DENND5A: variants seen among roughly 807,000 people sequenced by gnomAD.
The protein encoded by DENND5A is DENN domain-containing protein 5A.
In DENND5A, 64 loss-of-function variants were observed where a neutral mutation model predicts 140.3. The observed-to-expected ratio is 0.46, with a 90% confidence interval of 0.37 to 0.56. DENND5A has a LOEUF of 0.56. Among genes scored for constraint, DENND5A ranks in the 20% least tolerant of loss-of-function variants. DENND5A has a pLI of 0.00. For missense variants in DENND5A, 1,292 were observed against 1,593.8 expected, an observed-to-expected ratio of 0.81 and a Z score of 3.22; for synonymous variants, 605 against 607.7, an observed-to-expected ratio of 1.00 and a Z score of 0.07.
At chr11:9,212,708 G>A (rs1849926555) in intron 1 of DENND5A, among the ~76,000 whole-genome samples, 1 of 151,970 alleles carries the variant, frequency 6.6e-6, no homozygotes, top group Admixed American at 6.6e-5. Flanking sequence ...TCAAAAATGA[G>A]GGCAAATTAA....
chr11:9,157,656 C>A (rs78490146), intron 12 of DENND5A, among the ~76,000 whole-genome samples: 9,053 of 152,216 alleles, frequency 0.059, 370 homozygotes, highest in South Asian at 0.11. Flanking sequence ...CTACAAAGGC[C>A]ATGATCTAGT....
intron 11 of DENND5A, among the ~76,000 whole-genome samples, chr11:9,161,176 T>A (rs1015517201): frequency 3.9e-5 from 6 of 152,076 alleles, no homozygotes; most frequent in Non-Finnish European, 8.8e-5. Flanking sequence ...TGAAACCCCG[T>A]CTCTATTAAA....
In DENND5A at chr11:9,152,535, T is replaced by C. The variant is rs910665746; in HGVS notation, c.2437-93A>G. The C allele has an allele frequency of 1.1e-5, 9 of 854,902 alleles. No individual in the cohort carries two copies. The African/African-American group carries it at 1.3e-4, about 13-fold the overall frequency. 53.0% of individuals were successfully genotyped at this position (854,902 alleles called of 1,614,324 possible). The stretch of plus-strand genomic sequence containing the variant: ...GATAGAAGCTTTTGCTAAAAAAATA[T>C]ATGTACTGTTTCTTGTTTCAATGTA... On this transcript the variant is annotated intron_variant, in intron 12 of 22. Transcript: ENST00000328194.
intron 1 of DENND5A, among the ~76,000 whole-genome samples, chr11:9,209,720 C>T (rs1219319645): frequency 6.6e-6 from 1 of 151,996 alleles, no homozygotes; most frequent in Non-Finnish European, 1.5e-5. Flanking sequence ...ACAAAGAGTG[C>T]CAGAAAAGGT....
chr11:9,223,867 A>C (rs990713809), intron 1 of DENND5A, among the ~76,000 whole-genome samples: 1 of 152,208 alleles, frequency 6.6e-6, no homozygotes, highest in African/African-American at 2.4e-5. Flanking sequence ...ATCCTTTCAT[A>C]AACAGAGGGC....
At chr11:9,166,493 C>T (rs1035790448) in intron 10 of DENND5A, among the ~76,000 whole-genome samples, 4 of 152,078 alleles carry the variant, frequency 2.6e-5, no homozygotes, top group African/African-American at 9.7e-5. Flanking sequence ...TCTGTTTTAG[C>T]TGATGTAAAG....
In DENND5A at chr11:9,216,089, T is replaced by A. The variant is rs761002534; in HGVS notation, c.110-8457A>T. On this transcript the variant is annotated intron_variant, in intron 1 of 22. Coordinates refer to ENST00000328194, the MANE Select transcript of DENND5A (RefSeq NM_015213.4). ...TTTAATGTAATCAGCCTAAATTAAG[T>A]CTGAGCAACTAGTCAAGAAGGCAGG... Among the ~76,000 whole-genome samples, 3 of 152,376 alleles carry A rather than the reference T, an allele frequency of 2.0e-5. No homozygotes were observed. In the East Asian group the frequency reaches 5.8e-4, roughly 29 times the overall value.
chr11:9,168,920 A>C (rs894569597), intron 10 of DENND5A, among the ~76,000 whole-genome samples: 4 of 152,194 alleles, frequency 2.6e-5, no homozygotes, highest in African/African-American at 9.7e-5. Flanking sequence ...GGCAGGGTCT[A>C]CAACCTGAAG....
chr11:9,257,994 T>C (rs1056298202), intron 1 of DENND5A, among the ~76,000 whole-genome samples: 4 of 151,812 alleles, frequency 2.6e-5, no homozygotes, highest in Non-Finnish European at 4.4e-5. Flanking sequence ...GGTTTCACCA[T>C]GTTGGCCAGG....
At position 9,178,331 on chromosome 11, in the gene DENND5A, C is replaced by G; in HGVS notation, c.1707G>C (p.Leu569=). 1 of 1,613,746 alleles carries G rather than the reference C, an allele frequency of 6.2e-7. No individual in the cohort carries two copies. Among genetic ancestry groups the G allele is most frequent in the Non-Finnish European group, 8.5e-7 (1 of 1,179,836 alleles). The change falls in exon 8 of 23, where the codon CTG becomes CTC. Residue 569 remains leucine (L), a synonymous_variant. Coordinates refer to ENST00000328194, the MANE Select transcript of DENND5A (RefSeq NM_015213.4). ...SFLSDQPEPY[L]PFLSRFLETQ... The stretch of plus-strand genomic sequence containing the variant: ...TCTCCAGGAATCTTGAGAGGAAGGG[C>G]AGGTAGGGCTCAGGCTGATCTGACA...
At chr11:9,253,533 C>T (rs190582059) in intron 1 of DENND5A, among the ~76,000 whole-genome samples, 2 of 151,946 alleles carry the variant, frequency 1.3e-5, no homozygotes, top group African/African-American at 2.4e-5. Flanking sequence ...GAGGCTGAGT[C>T]GGGAGTATCA....
Position 9,144,214 on chromosome 11 carries a change from C to T in DENND5A, c.3187G>A (p.Gly1063Arg). The change falls in exon 19 of 23, where the codon GGG becomes AGG. Residue 1063 changes from glycine to arginine, a missense_variant. Transcript: ENST00000328194. ...TCAGGCTGGGATGTGAGCAGCTCCCCAACTAGGATCCGCTCCAGGCTTCCA... is the reference window on the plus strand; with the variant it reads ...TCAGGCTGGGATGTGAGCAGCTCCCTAACTAGGATCCGCTCCAGGCTTCCA... Reference protein sequence around the residue: ...DDGSLERILVGELLTSQPEVD... With the variant: ...DDGSLERILVRELLTSQPEVD... 1 of 1,614,178 alleles carries T rather than the reference C, an allele frequency of 6.2e-7. No individual in the cohort carries two copies. The highest frequency in any genetic ancestry group is 8.5e-7 in the Non-Finnish European group (1 of 1,180,026).
At chr11:9,248,887 C>A (rs907667492) in intron 1 of DENND5A, among the ~76,000 whole-genome samples, 3 of 151,978 alleles carry the variant, frequency 2.0e-5, no homozygotes, top group Non-Finnish European at 4.4e-5. Context: ...GGCCATTGTT[C>A]TAAAACTACA....
chr11:9,222,467 G>A (rs899689821), intron 1 of DENND5A, among the ~76,000 whole-genome samples: 4 of 152,100 alleles, frequency 2.6e-5, no homozygotes, highest in African/African-American at 9.7e-5. Flanking sequence ...ATAATGGCCT[G>A]TAATAGTAAA....
At chr11:9,211,144 G>A (rs1425382980) in intron 1 of DENND5A, among the ~76,000 whole-genome samples, 2 of 152,168 alleles carry the variant, frequency 1.3e-5, no homozygotes, top group African/African-American at 4.8e-5. Flanking sequence ...ATAAGAGGTG[G>A]GTAAAACTCA....
intron 11 of DENND5A, among the ~76,000 whole-genome samples, chr11:9,164,174 G>T (rs1848102419): frequency 8.3e-6 from 1 of 119,966 alleles, no homozygotes. Flanking sequence ...TGGGACTAAA[G>T]GTGTGCACCA....
intron 4 of DENND5A, among the ~76,000 whole-genome samples, chr11:9,200,775 T>C (rs12577661): frequency 0.3 from 45,305 of 152,154 alleles, 7,327 homozygotes; most frequent in South Asian, 0.5. Flanking sequence ...TATTACAAAT[T>C]ACCTCTTAAC....
At chr11:9,170,347 A>T (rs1408775112) in intron 9 of DENND5A, 1 of 925,348 alleles carries the variant, frequency 1.1e-6, no homozygotes, top group Non-Finnish European at 1.3e-6. Flanking sequence ...CTTGCTGTTG[A>T]ATGGGATCCA....
intron 12 of DENND5A, among the ~76,000 whole-genome samples, chr11:9,154,237 G>A (rs1847729749): frequency 6.6e-6 from 1 of 152,120 alleles, no homozygotes; most frequent in Admixed American, 6.6e-5. Context: ...ATTTTCTGTA[G>A]AGAAGAAGAA....
Sources: allele counts gnomAD v4.1 joint callset (sites outside exome capture counted in the v4.1 genomes callset), GRCh38; gene constraint gnomAD v4.1.1; transcripts MANE v1.5; gene names NCBI Gene and HGNC (gene_info 2026-07-23, HGNC 2026-07-21).